The following LIPA variants were observed in gnomAD, a reference collection of about 807,000 sequenced individuals.
LIPA encodes the protein lipase A, lysosomal acid type.
Under a neutral mutation model 40.6 loss-of-function variants are expected in LIPA, and 26 were observed. The ratio of observed to expected loss-of-function variants is 0.64; its 90% CI spans 0.47 to 0.89. The LOEUF (loss-of-function observed/expected upper bound fraction) is 0.89, where lower values mean the gene tolerates loss of function less well. Ranked by LOEUF, LIPA falls within the 40% of genes least tolerant of loss-of-function variation. LIPA has a pLI of 0.00. For synonymous variants in LIPA, 188 were observed against 168.4 expected, an observed-to-expected ratio of 1.12 and a Z score of -0.90; for missense variants, 455 against 479.6, an observed-to-expected ratio of 0.95 and a Z score of 0.48.
intron 2 of LIPA, among the ~76,000 whole-genome samples, chr10:89,409,947 G>A (rs1432180894): frequency 6.6e-6 from 1 of 152,188 alleles, no homozygotes; most frequent in African/African-American, 2.4e-5. Context: ...CCTGAAGTCT[G>A]GGCATTGGAA....
In LIPA at chr10:89,325,557, C is replaced by T. The variant is rs574877052; in HGVS notation, c.-2+17054G>A. Among the ~76,000 whole-genome samples the T allele has an allele frequency of 3.4e-4, 52 of 152,234 alleles. 1 individual carries two copies. The East Asian group carries it at 8.7e-3, about 25-fold the overall frequency. The stretch of plus-strand genomic sequence containing the variant: ...GCCACAAAAAAAAGAATATCATGTC[C>T]TTTGCAGTAATGTGAATGGAACTGG... On this transcript the variant is annotated intron_variant, in intron 1 of 5. Coordinates refer to the LIPA transcript ENST00000282673.
chr10:89,271,260 C>T (rs1347360911), intron 1 of LIPA, among the ~76,000 whole-genome samples: 1 of 152,224 alleles, frequency 6.6e-6, no homozygotes, highest in Non-Finnish European at 1.5e-5. Flanking sequence ...GTACTCCTGT[C>T]ACATTTAGGG....
intron 1 of LIPA, among the ~76,000 whole-genome samples, chr10:89,303,994 A>C (rs1843462232): frequency 6.6e-6 from 1 of 152,222 alleles, no homozygotes; most frequent in South Asian, 2.1e-4. Flanking sequence ...CAAGCTCCCC[A>C]GTGTCCTGTT....
intron 1 of LIPA, among the ~76,000 whole-genome samples, chr10:89,266,786 A>C (rs1843238392): frequency 6.6e-6 from 1 of 152,272 alleles, no homozygotes; most frequent in Non-Finnish European, 1.5e-5. Context: ...AATGGTCTAC[A>C]AAGTGTTCTG....
chr10:89,293,863 T>C (rs1843393206), intron 1 of LIPA, among the ~76,000 whole-genome samples: 1 of 152,144 alleles, frequency 6.6e-6, no homozygotes, highest in African/African-American at 2.4e-5. Context: ...AAAGTTACGT[T>C]GAGGGTTAGG....
In LIPA at chr10:89,307,149, G is replaced by T. The variant is rs1385678405; in HGVS notation, c.-2+35462C>A. On this transcript the variant is annotated intron_variant, in intron 1 of 5. Coordinates refer to the LIPA transcript ENST00000282673. The stretch of plus-strand genomic sequence containing the variant: ...AAGGCCATCCACCACTTTATAGAGG[G>T]TGTAAAAATAAACCAGAAATCAAGG... 2.5e-6 allele frequency: 4 copies of T among 1,613,824 alleles called. No individual in the cohort carries two copies. The African/African-American group carries it at 5.3e-5, about 22-fold the overall frequency.
At chr10:89,386,434 A>G (rs950326745) in intron 2 of LIPA, among the ~76,000 whole-genome samples, 54 of 152,312 alleles carry the variant, frequency 3.5e-4, no homozygotes, top group Non-Finnish European at 4.4e-5. Flanking sequence ...TACTTATTCA[A>G]TTTAACCAGA....
chr10:89,302,130 T>C, intron 1 of LIPA: 1 of 1,613,822 alleles, frequency 6.2e-7, no homozygotes, highest in South Asian at 1.1e-5. Flanking sequence ...AACCATGAGG[T>C]AAATATTTTC....
chr10:89,336,172 G>GGGAA (rs1180450072), intron 1 of LIPA, among the ~76,000 whole-genome samples: 2 of 150,112 alleles, frequency 1.3e-5, no homozygotes, highest in Non-Finnish European at 3.0e-5. Context: ...GAGGGAGGGA[G>GGGAA]GGAAGGAAGG....
chr10:89,227,135 C>A, intron 4 of LIPA, 131 bp from the exon 5 acceptor site: 1 of 707,806 alleles, frequency 1.4e-6, no homozygotes, highest in Non-Finnish European at 2.6e-6. Context: ...GTCCAGGAAA[C>A]AACACCAGCA....
At chr10:89,413,683 C>A (rs1053295375) in intron 1 of LIPA, among the ~76,000 whole-genome samples, 2 of 150,486 alleles carry the variant, frequency 1.3e-5, no homozygotes, top group African/African-American at 4.9e-5. Context: ...GGGAGGATCG[C>A]TTGAGCCATG....
At chr10:89,252,366 A>T (rs974858033), upstream of LIPA, among the ~76,000 whole-genome samples, 12 of 152,248 alleles carry the variant, frequency 7.9e-5, no homozygotes, top group African/African-American at 2.9e-4. Context: ...TTAGTAAGAC[A>T]GTGGAGGTAT....
chr10:89,240,501 A>G (rs930289334), intron 3 of LIPA, among the ~76,000 whole-genome samples: 1 of 152,240 alleles, frequency 6.6e-6, no homozygotes, highest in African/African-American at 2.4e-5. Context: ...AAGAAATTGT[A>G]TCACCTGCAC....
chr10:89,223,138 TC>T (rs781137210), intron 7 of LIPA, among the ~76,000 whole-genome samples: 12 of 152,336 alleles, frequency 7.9e-5, no homozygotes, highest in Non-Finnish European at 1.5e-4. Context: ...AAATGGCCGT[TC>T]CAAATTTAAA....
At chr10:89,215,269 C>T (rs1235554425) in intron 9 of LIPA, among the ~76,000 whole-genome samples, 3 of 152,174 alleles carry the variant, frequency 2.0e-5, no homozygotes, top group African/African-American at 4.8e-5. Context: ...TAATTATAAT[C>T]GCCACTAGCT....
At chr10:89,258,581 C>T (rs1259308242) in intron 1 of LIPA, among the ~76,000 whole-genome samples, 1 of 151,998 alleles carries the variant, frequency 6.6e-6, no homozygotes, top group Non-Finnish European at 1.5e-5. Flanking sequence ...AAATGTGAAC[C>T]CTTGCACACT....
chr10:89,380,651 G>C (rs1033273994), intron 2 of LIPA, among the ~76,000 whole-genome samples: 1 of 152,032 alleles, frequency 6.6e-6, no homozygotes, highest in East Asian at 1.9e-4. Flanking sequence ...CATGCTGGTC[G>C]TGAACTCCTG....
intron 2 of LIPA, among the ~76,000 whole-genome samples, chr10:89,392,313 C>G (rs897225939): frequency 7.2e-5 from 11 of 152,216 alleles, no homozygotes; most frequent in African/African-American, 2.4e-4. Flanking sequence ...CAGCCACCAA[C>G]TGCCACAATA....
At chr10:89,297,347 T>A (rs996145361) in intron 1 of LIPA, among the ~76,000 whole-genome samples, 5 of 151,948 alleles carry the variant, frequency 3.3e-5, no homozygotes, top group Admixed American at 3.3e-4. Flanking sequence ...TCACGCTGGG[T>A]CTCTCAGCTC....
Sources: allele counts gnomAD v4.1 joint callset (sites outside exome capture counted in the v4.1 genomes callset), GRCh38; gene constraint gnomAD v4.1.1; transcripts MANE v1.5; gene names NCBI Gene and HGNC (gene_info 2026-07-23, HGNC 2026-07-21).